Variants in ERC2 observed in about 807,000 individuals in gnomAD.
The protein encoded by ERC2 is ELKS/RAB6-interacting/CAST family member 2, also known as ERC protein 2.
In ERC2, 42 loss-of-function variants were observed where a neutral mutation model predicts 114.8. That is an observed-to-expected ratio of 0.37 (90% confidence interval 0.29 to 0.47). ERC2 has a LOEUF of 0.47. Among genes scored for constraint, ERC2 ranks in the 20% least tolerant of loss-of-function variants. The pLI is 0.99. For synonymous variants in ERC2, 454 were observed against 425.5 expected (o/e 1.07, Z -0.82); for missense variants, 939 against 1,150.7 (o/e 0.82, Z 2.66).
intron 7 of ERC2, among the ~76,000 whole-genome samples, chr3:56,031,448 G>A (rs994553604): frequency 6.6e-6 from 1 of 152,222 alleles, no homozygotes; most frequent in African/African-American, 2.4e-5. Flanking sequence ...AACCTGCCCA[G>A]ACTCCATCTC....
At chr3:55,715,625 T>C (rs1449009615) in intron 15 of ERC2, among the ~76,000 whole-genome samples, 3 of 152,044 alleles carry the variant, frequency 2.0e-5, no homozygotes, top group African/African-American at 7.2e-5. Flanking sequence ...AAAAAAGGTA[T>C]GCTGTGGGGT....
chr3:56,111,349 A>C (rs913800160), intron 6 of ERC2, among the ~76,000 whole-genome samples: 530 of 107,876 alleles, frequency 4.9e-3, no homozygotes, highest in Middle Eastern at 0.011. Context: ...CTCTCCCTCA[A>C]TCTCTCTCTC....
At chr3:55,720,651 G>A (rs189081727) in intron 15 of ERC2, among the ~76,000 whole-genome samples, 4 of 152,072 alleles carry the variant, frequency 2.6e-5, no homozygotes, top group African/African-American at 9.7e-5. Flanking sequence ...AGATAAATGA[G>A]TACCTGGCTC....
chr3:55,805,158 T>C (rs1259532328), intron 14 of ERC2, among the ~76,000 whole-genome samples: 1 of 152,032 alleles, frequency 6.6e-6, no homozygotes, highest in Non-Finnish European at 1.5e-5. Context: ...ATACATGAGA[T>C]CATTTAATTC....
intron 16 of ERC2, among the ~76,000 whole-genome samples, chr3:55,688,371 G>A (rs1426748305): frequency 6.6e-6 from 1 of 152,136 alleles, no homozygotes; most frequent in Non-Finnish European, 1.5e-5. Flanking sequence ...CAGGGAGGGA[G>A]GTCAGGTAGC....
At chr3:56,403,572 TA>T (rs1384253420) in intron 2 of ERC2, among the ~76,000 whole-genome samples, 2 of 152,204 alleles carry the variant, frequency 1.3e-5, no homozygotes, top group Non-Finnish European at 2.9e-5. Flanking sequence ...CGGCATCATC[TA>T]AAAACTTCTT....
chr3:55,769,337 T>G (rs955278078), intron 14 of ERC2, among the ~76,000 whole-genome samples: 5 of 152,090 alleles, frequency 3.3e-5, no homozygotes, highest in African/African-American at 1.2e-4. Context: ...TTAAGAGCTC[T>G]GGGGCACACC....
At chr3:56,301,504 C>T (rs1191312045) in intron 2 of ERC2, among the ~76,000 whole-genome samples, 1 of 152,122 alleles carries the variant, frequency 6.6e-6, no homozygotes. Flanking sequence ...CCTCTCCCCT[C>T]TTCTCTCCCC....
chr3:55,860,858 C>G (rs2061996816), intron 14 of ERC2, among the ~76,000 whole-genome samples: 1 of 152,174 alleles, frequency 6.6e-6, no homozygotes, highest in Admixed American at 6.5e-5. Flanking sequence ...AAGGAAGGGA[C>G]TGAAGAGAGA....
intron 6 of ERC2, among the ~76,000 whole-genome samples, chr3:56,088,687 T>C (rs1247634662): frequency 6.6e-6 from 1 of 152,200 alleles, no homozygotes; most frequent in African/African-American, 2.4e-5. Flanking sequence ...AATGCAAATA[T>C]ATATGTTCAA....
intron 17 of ERC2, among the ~76,000 whole-genome samples, chr3:55,514,865 T>C (rs909710527): frequency 6.6e-6 from 1 of 152,206 alleles, no homozygotes; most frequent in Admixed American, 6.5e-5. Context: ...TGTAAGCTAA[T>C]AAATGGGTGC....
intron 16 of ERC2, among the ~76,000 whole-genome samples, chr3:55,688,684 G>A (rs140012143): frequency 5.3e-5 from 8 of 152,228 alleles, no homozygotes; most frequent in Middle Eastern, 3.4e-3. Flanking sequence ...AGCTATTTAC[G>A]TGGACATATC....
intron 17 of ERC2, among the ~76,000 whole-genome samples, chr3:55,520,153 C>T (rs1422392283): frequency 1.3e-5 from 2 of 152,020 alleles, no homozygotes; most frequent in African/African-American, 4.8e-5. Flanking sequence ...GCCAAACAGG[C>T]TCAAGAAACA....
intron 2 of ERC2, among the ~76,000 whole-genome samples, chr3:56,336,112 T>C (rs188396783): frequency 6.6e-6 from 1 of 152,274 alleles, no homozygotes; most frequent in Admixed American, 6.5e-5. Context: ...CAGGGTGTAG[T>C]AAATGTACTT....
chr3:56,192,515 CCA>C (rs2047852382), intron 3 of ERC2, among the ~76,000 whole-genome samples: 1 of 152,232 alleles, frequency 6.6e-6, no homozygotes, highest in African/African-American at 2.4e-5. Flanking sequence ...ATTATTATCC[CCA>C]CTTAACAGCT....
At chr3:56,027,687 G>C (rs1375747183) in intron 7 of ERC2, among the ~76,000 whole-genome samples, 1 of 151,950 alleles carries the variant, frequency 6.6e-6, no homozygotes, top group South Asian at 2.1e-4. Flanking sequence ...TCACCGTTGT[G>C]ACTCCTTTAT....
intron 14 of ERC2, among the ~76,000 whole-genome samples, chr3:55,832,544 G>A (rs1044966826): frequency 3.9e-5 from 6 of 152,218 alleles, no homozygotes; most frequent in African/African-American, 1.2e-4. Context: ...TGCAGCTGAG[G>A]GTCCTGTGTG....
intron 3 of ERC2, among the ~76,000 whole-genome samples, chr3:56,256,452 T>C (rs1189050008): frequency 2.0e-5 from 3 of 152,200 alleles, no homozygotes; most frequent in Non-Finnish European, 4.4e-5. Context: ...AGATTTATTT[T>C]CTCTCCTTAA....
chr3:55,776,629 T>G (rs534099550), intron 14 of ERC2, among the ~76,000 whole-genome samples: 3 of 152,288 alleles, frequency 2.0e-5, no homozygotes, highest in African/African-American at 7.2e-5. Flanking sequence ...AGGGTCAAGC[T>G]GTGGGACAGC....
Sources: allele counts gnomAD v4.1 joint callset (sites outside exome capture counted in the v4.1 genomes callset), GRCh38; gene constraint gnomAD v4.1.1; transcripts MANE v1.5; gene names NCBI Gene and HGNC (gene_info 2026-07-23, HGNC 2026-07-21).